MSRB3: variants seen among roughly 807,000 people sequenced by gnomAD.
MSRB3 encodes methionine sulfoxide reductase B3, also known as methionine-R-sulfoxide reductase B3.
Under a neutral mutation model 21.0 loss-of-function variants are expected in MSRB3, and 13 were observed. The ratio of observed to expected loss-of-function variants is 0.62; its 90% confidence interval spans 0.40 to 0.98. The LOEUF is 0.98. Ranked by LOEUF, MSRB3 falls within the 50% of genes least tolerant of loss-of-function variation. The probability of loss-of-function intolerance (pLI) is 0.00; values close to 1 mark genes in which losing one functional copy is unlikely to be tolerated. For missense variants in MSRB3, 199 were observed against 230.3 expected (o/e 0.86, Z 0.88); for synonymous variants, 87 against 88.6 (o/e 0.98, Z 0.10).
intron 1 of MSRB3, chr12:65,279,383 G>T (rs60558604): frequency 6.6e-6 from 1 of 151,898 alleles, no homozygotes; most frequent in Admixed American, 6.6e-5. Context: ...GCGGGCAGGC[G>T]GCAGGGAGGG....
intron 5 of MSRB3, among the ~76,000 whole-genome samples, chr12:65,412,475 A>G (rs1376311156): frequency 6.6e-6 from 1 of 152,204 alleles, no homozygotes; most frequent in Non-Finnish European, 1.5e-5. Context: ...AAGATTGAAA[A>G]TGATGTTTTA....
At chr12:65,343,232 G>A (rs1034800488) in intron 4 of MSRB3, among the ~76,000 whole-genome samples, 5 of 152,138 alleles carry the variant, frequency 3.3e-5, no homozygotes, top group Middle Eastern at 3.4e-3. Context: ...ACTCACATTC[G>A]TGGTAGATAC....
chr12:65,437,039 A>G (rs1592637232), intron 5 of MSRB3, among the ~76,000 whole-genome samples: 1 of 151,942 alleles, frequency 6.6e-6, no homozygotes, highest in Admixed American at 6.6e-5. Context: ...AATAATAACA[A>G]TAATACTCAT....
intron 5 of MSRB3, among the ~76,000 whole-genome samples, chr12:65,424,648 T>C (rs1881484123): frequency 6.6e-6 from 1 of 152,102 alleles, no homozygotes; most frequent in South Asian, 2.1e-4. Flanking sequence ...ATTTTTGGTT[T>C]CATATTATAG....
At chr12:65,446,314 T>C (rs1220204423) in intron 5 of MSRB3, among the ~76,000 whole-genome samples, 1 of 152,226 alleles carries the variant, frequency 6.6e-6, no homozygotes, top group Non-Finnish European at 1.5e-5. Flanking sequence ...GTCATAAAAG[T>C]TTGTGTTAAT....
At chr12:65,396,136 A>C (rs1164409858) in intron 5 of MSRB3, among the ~76,000 whole-genome samples, 1 of 152,170 alleles carries the variant, frequency 6.6e-6, no homozygotes, top group Non-Finnish European at 1.5e-5. Flanking sequence ...AATGTATTCA[A>C]TGCTATAATT....
chr12:65,451,153 A>G (rs1209878507), intron 5 of MSRB3, among the ~76,000 whole-genome samples: 1 of 152,120 alleles, frequency 6.6e-6, no homozygotes, highest in African/African-American at 2.4e-5. Context: ...ATCTCCACTA[A>G]TCAGGATTTG....
intron 5 of MSRB3, among the ~76,000 whole-genome samples, chr12:65,407,899 G>T (rs1387092196): frequency 2.7e-5 from 4 of 150,330 alleles, no homozygotes; most frequent in Admixed American, 6.6e-5. Flanking sequence ...ATTTTTCTTT[G>T]ATTCTTTCTT....
chr12:65,410,471 G>A (rs1303860903), intron 5 of MSRB3, among the ~76,000 whole-genome samples: 8 of 152,068 alleles, frequency 5.3e-5, no homozygotes, highest in African/African-American at 1.7e-4. Context: ...GTGAAACCCT[G>A]TCTCTACAAA....
chr12:65,316,891 T>C (rs1874334041), intron 2 of MSRB3, among the ~76,000 whole-genome samples: 1 of 152,094 alleles, frequency 6.6e-6, no homozygotes, highest in Non-Finnish European at 1.5e-5. Flanking sequence ...TTCTGAAGGA[T>C]ATTGAAGGAA....
chr12:65,381,339 C>A (rs1878930029), intron 5 of MSRB3, among the ~76,000 whole-genome samples: 1 of 152,132 alleles, frequency 6.6e-6, no homozygotes. Context: ...TGGTCACCTT[C>A]TTTGGGCAGC....
intron 4 of MSRB3, among the ~76,000 whole-genome samples, chr12:65,368,151 T>C (rs2136531610): frequency 6.6e-6 from 1 of 152,286 alleles, no homozygotes; most frequent in South Asian, 2.1e-4. Flanking sequence ...CTTAGTTAAC[T>C]ACATTTCTCC....
At chr12:65,368,471 GA>G (rs1169421327) in intron 4 of MSRB3, among the ~76,000 whole-genome samples, 1 of 152,128 alleles carries the variant, frequency 6.6e-6, no homozygotes, top group East Asian at 1.9e-4. Context: ...AAAGGCTTCT[GA>G]ATTTACAACC....
chr12:65,451,992 T>A (rs1168134571), intron 5 of MSRB3, among the ~76,000 whole-genome samples: 1 of 152,108 alleles, frequency 6.6e-6, no homozygotes, highest in Non-Finnish European at 1.5e-5. Flanking sequence ...AAATTACAAA[T>A]CCAGGGTGAT....
chr12:65,299,082 A>G (rs1451757009), intron 1 of MSRB3, among the ~76,000 whole-genome samples: 2 of 152,052 alleles, frequency 1.3e-5, no homozygotes, highest in Non-Finnish European at 2.9e-5. Context: ...ACCTCTTTCT[A>G]TTTCTGTCTC....
intron 4 of MSRB3, among the ~76,000 whole-genome samples, chr12:65,346,341 G>T (rs1410403613): frequency 6.6e-6 from 1 of 152,074 alleles, no homozygotes; most frequent in Non-Finnish European, 1.5e-5. Context: ...GCCAGTGATG[G>T]TGAGCATTTT....
chr12:65,392,024 A>G (rs1879509684), intron 5 of MSRB3, among the ~76,000 whole-genome samples: 1 of 152,210 alleles, frequency 6.6e-6, no homozygotes, highest in African/African-American at 2.4e-5. Flanking sequence ...AATTGTTAGT[A>G]TTTACACTCA....
chr12:65,366,056 C>T (rs773321770), intron 4 of MSRB3, among the ~76,000 whole-genome samples: 5 of 152,158 alleles, frequency 3.3e-5, no homozygotes, highest in Non-Finnish European at 7.4e-5. Flanking sequence ...GCATCGAGTT[C>T]CAAAGTGATC....
At chr12:65,345,898 C>CA (rs1399215904) in intron 4 of MSRB3, among the ~76,000 whole-genome samples, 1 of 152,146 alleles carries the variant, frequency 6.6e-6, no homozygotes, top group South Asian at 2.1e-4. Flanking sequence ...CACGTCCCTA[C>CA]AAAGGACGTG....
Sources: allele counts gnomAD v4.1 joint callset (sites outside exome capture counted in the v4.1 genomes callset), GRCh38; gene constraint gnomAD v4.1.1; transcripts MANE v1.5; gene names NCBI Gene and HGNC (gene_info 2026-07-23, HGNC 2026-07-21).